Variants in CCDC81 observed in about 807,000 individuals in gnomAD.
CCDC81 encodes the protein coiled-coil domain-containing protein 81.
CCDC81 carries 79 observed loss-of-function variants against 83.7 expected under a neutral mutation model. The ratio of observed to expected loss-of-function variants is 0.94; its 90% CI spans 0.79 to 1.14. The LOEUF is 1.14. Among genes scored for constraint, CCDC81 ranks in the 50% most tolerant of loss-of-function variants. CCDC81 has a pLI of 0.00. For missense variants in CCDC81, 791 were observed against 778.1 expected (o/e 1.02, Z -0.20); for synonymous variants, 252 against 278.1 (o/e 0.91, Z 0.93).
rs1442100784 is a variant in CCDC81, at chr11:86,395,457, T to TTGCTGATC, written c.635+54_635+61dup. 3 of 1,450,526 alleles carry TTGCTGATC rather than the reference T, an allele frequency of 2.1e-6. No homozygotes were observed. In the South Asian group the frequency reaches 3.4e-5, roughly 17 times the overall value. 89.9% of individuals were successfully genotyped at this position (1,450,526 alleles called of 1,614,324 possible). A position where few individuals can be genotyped will look rare whatever the true frequency, so the allele number is the denominator to read the frequency against. ...GGGTTCCTCTAGGCACTAGCACTCCTTGCTGATCTGCTGATCTCATTGGGC... is the reference window on the plus strand; with the variant it reads ...GGGTTCCTCTAGGCACTAGCACTCCTTGCTGATCTGCTGATCTGCTGATCTCATTGGGC... On this transcript the variant is annotated intron_variant, in intron 5 of 14. Coordinates refer to ENST00000445632, the MANE Select transcript of CCDC81 (RefSeq NM_001156474.2).
chr11:86,397,853 T>C lies in CCDC81; in HGVS notation c.757+111T>C, dbSNP rs1948430164. 3.1e-6 allele frequency: 4 copies of C among 1,273,600 alleles called. No individual in the cohort carries two copies. The South Asian group carries it at 7.3e-5, about 23-fold the overall frequency. The allele number at this position is 1,273,600 out of a possible 1,614,324, so 78.9% of individuals were successfully genotyped here. ...AAATTTACAAATAATCACTATATTA[T>C]TATTACTTTTTTTTTTGAGATGGAG... is the stretch of plus-strand genomic sequence containing the variant. On this transcript the variant is annotated intron_variant, in intron 6 of 14. Coordinates refer to ENST00000445632, the MANE Select transcript of CCDC81 (RefSeq NM_001156474.2).
chr11:86,397,569 A>G (rs1204226621), intron 5 of CCDC81, 52 bp from the exon 6 acceptor site: 1 of 1,560,290 alleles, frequency 6.4e-7, no homozygotes, highest in Non-Finnish European at 8.6e-7. Flanking sequence ...GAGTTCACAC[A>G]GTTACCTGTT....
chr11:86,390,206 C>T (rs995111929), intron 3 of CCDC81, among the ~76,000 whole-genome samples: 1 of 152,224 alleles, frequency 6.6e-6, no homozygotes, highest in Non-Finnish European at 1.5e-5. Context: ...GACAGCATGC[C>T]TAACTCTGCT....
intron 1 of CCDC81, among the ~76,000 whole-genome samples, chr11:86,377,017 A>G (rs1208065426): frequency 2.0e-5 from 3 of 152,218 alleles, no homozygotes; most frequent in Non-Finnish European, 4.4e-5. Context: ...CAGTTCCAGA[A>G]TGTAATATAG....
intron 7 of CCDC81, among the ~76,000 whole-genome samples, chr11:86,406,662 C>T (rs1336188739): frequency 3.3e-5 from 5 of 151,814 alleles, no homozygotes. Flanking sequence ...AAAATTAGCC[C>T]AGCATGGTGG....
chr11:86,397,859 C>CT (rs903122931), intron 6 of CCDC81, 117 bp downstream of exon 6: 7,257 of 1,081,478 alleles, frequency 6.7e-3, no homozygotes, highest in South Asian at 8.5e-3. Context: ...ATTATTATTA[C>CT]TTTTTTTTTT....
chr11:86,382,957 TGAAGTGA>T (rs1948194143), intron 1 of CCDC81, among the ~76,000 whole-genome samples: 1 of 152,200 alleles, frequency 6.6e-6, no homozygotes, highest in Non-Finnish European at 1.5e-5. Context: ...CAGCAAGAGC[TGAAGTGA>T]AAGTCAAACT....
At chr11:86,378,607 T>C (rs1948130985) in intron 1 of CCDC81, among the ~76,000 whole-genome samples, 1 of 152,240 alleles carries the variant, frequency 6.6e-6, no homozygotes, top group Non-Finnish European at 1.5e-5. Context: ...CATTTATCTC[T>C]TCTTGCAGTT....
intron 10 of CCDC81, among the ~76,000 whole-genome samples, chr11:86,411,255 T>A (rs765693939): frequency 9.2e-5 from 14 of 152,242 alleles, no homozygotes; most frequent in Non-Finnish European, 1.5e-4. Flanking sequence ...TCATTGAACA[T>A]GCCTAGCTTG....
chr11:86,388,342 C>G lies in CCDC81; in HGVS notation c.298+670C>G, dbSNP rs891492096. ...AATCCCTGCCACAGACTGCTTCCATCCAGCTTTAGTGTGTGGGCTTCGTAA... is the reference window on the plus strand; with the variant it reads ...AATCCCTGCCACAGACTGCTTCCATGCAGCTTTAGTGTGTGGGCTTCGTAA... On this transcript the variant is annotated intron_variant, in intron 3 of 14. Transcript: ENST00000445632. Among the ~76,000 whole-genome samples the G allele has an allele frequency of 7.9e-5, 12 of 152,226 alleles. No individual in the cohort carries two copies. The South Asian group carries it at 1.0e-3, about 13-fold the overall frequency.
intron 2 of CCDC81, among the ~76,000 whole-genome samples, chr11:86,386,515 G>A (rs999155582): frequency 1.3e-5 from 2 of 152,134 alleles, no homozygotes; most frequent in African/African-American, 4.8e-5. Context: ...TGAAATAGAA[G>A]ACTTGCCAAA....
At chr11:86,384,168 G>A (rs1375400340) in intron 1 of CCDC81, among the ~76,000 whole-genome samples, 1 of 152,184 alleles carries the variant, frequency 6.6e-6, no homozygotes, top group Non-Finnish European at 1.5e-5. Context: ...TAATAACTTT[G>A]AAAGTTCTCC....
chr11:86,376,464 G>T (rs995909383), intron 1 of CCDC81, among the ~76,000 whole-genome samples: 2 of 152,172 alleles, frequency 1.3e-5, no homozygotes, highest in African/African-American at 4.8e-5. Flanking sequence ...AAGCAGGCAT[G>T]TCTTACATGA....
intron 8 of CCDC81, 111 bp downstream of exon 8, chr11:86,407,812 A>G (rs909962863): frequency 7.7e-6 from 6 of 783,050 alleles, no homozygotes; most frequent in Non-Finnish European, 1.3e-5. Context: ...TGGCTCAAGT[A>G]CTCAAGTACT....
At chr11:86,393,084 ACAGAGTCTCACTCC>A (rs1948356661) in intron 4 of CCDC81, among the ~76,000 whole-genome samples, 1 of 152,192 alleles carries the variant, frequency 6.6e-6, no homozygotes, top group African/African-American at 2.4e-5. Context: ...GTTTTTTGAG[ACAGAGTCTCACTCC>A]GTCACCCAGG....
rs144195049 is a variant in CCDC81, at chr11:86,400,599, T to C, written c.758-79T>C. 2,846 of 1,379,988 alleles carry C rather than the reference T, an allele frequency of 2.1e-3. 11 individuals carry two copies. Among genetic ancestry groups the C allele is most frequent in the Non-Finnish European group, 2.4e-3 (2,470 of 1,011,576 alleles). The allele number at this position is 1,379,988 out of a possible 1,614,324, so 85.5% of individuals were successfully genotyped here. A position where few individuals can be genotyped will look rare whatever the true frequency, so the allele number is the denominator to read the frequency against. On this transcript the variant is annotated intron_variant, in intron 6 of 14. Coordinates refer to ENST00000445632, the MANE Select transcript of CCDC81 (RefSeq NM_001156474.2). ...TAAGAGAGTGTATCTTATATGAAAATTTCCCTTGGTAAAAACTACACAGTT... is the reference window on the plus strand; with the variant it reads ...TAAGAGAGTGTATCTTATATGAAAACTTCCCTTGGTAAAAACTACACAGTT...
intron 1 of CCDC81, among the ~76,000 whole-genome samples, chr11:86,385,107 G>A (rs1049965178): frequency 6.6e-6 from 1 of 152,214 alleles, no homozygotes; most frequent in Non-Finnish European, 1.5e-5. Context: ...ATTATTTGAG[G>A]CTGGGCATGG....
chr11:86,382,152 A>G (rs1044962537), intron 1 of CCDC81, among the ~76,000 whole-genome samples: 1 of 152,170 alleles, frequency 6.6e-6, no homozygotes, highest in Non-Finnish European at 1.5e-5. Flanking sequence ...GAAGCCATTA[A>G]GTGTTTTGAG....
chr11:86,413,982 G>GA (rs1011130472), intron 11 of CCDC81, among the ~76,000 whole-genome samples: 3 of 151,996 alleles, frequency 2.0e-5, no homozygotes, highest in Non-Finnish European at 2.9e-5. Context: ...TTTCTGTGAT[G>GA]AAAAAAATCT....
Sources: gnomAD v4.1 joint callset for allele counts (sites outside exome capture counted in the v4.1 genomes callset) on GRCh38, gnomAD v4.1.1 for gene constraint, MANE v1.5 for transcripts, NCBI Gene and HGNC (gene_info 2026-07-23, HGNC 2026-07-21) for gene names.